Variants in ASTN1 observed in about 807,000 individuals in gnomAD.
The protein encoded by ASTN1 is astrotactin 1, also known as astrotactin-1.
ASTN1 carries 41 observed loss-of-function variants against 140.7 expected under a neutral mutation model. The ratio of observed to expected loss-of-function variants is 0.29; its 90% CI spans 0.23 to 0.38. The LOEUF is 0.38. ASTN1 is among the 10% of genes least tolerant of loss of function. The pLI, the probability that ASTN1 is intolerant of heterozygous loss-of-function variation, is 1.00. For synonymous variants in ASTN1, 640 were observed against 652.2 expected, an observed-to-expected ratio of 0.98 and a Z score of 0.29; for missense variants, 1,479 against 1,678.8, an observed-to-expected ratio of 0.88 and a Z score of 2.08.
At chr1:177,064,688 G>C (rs1206783536) in intron 1 of ASTN1, among the ~76,000 whole-genome samples, 1 of 152,198 alleles carries the variant, frequency 6.6e-6, no homozygotes, top group African/African-American at 2.4e-5. Flanking sequence ...CACCATAGAG[G>C]GCAAAGGATG....
At position 177,164,352 on chromosome 1, in the gene ASTN1, G is replaced by C. The variant is rs1034448904; in HGVS notation, c.283+42C>G. The stretch of plus-strand genomic sequence containing the variant: ...AGCTGGAGTGGGGGGTGGGGGCGCC[G>C]GTCCAGCGCCTCCGGCCGCCTCGAC... On this transcript the variant is annotated intron_variant, in intron 1 of 22. Coordinates refer to ENST00000361833, the MANE Select transcript of ASTN1 (RefSeq NM_004319.3). The C allele has an allele frequency of 2.6e-6, 4 of 1,515,778 alleles. No individual in the cohort carries two copies. The African/African-American group carries it at 5.6e-5, about 21-fold the overall frequency. The allele number at this position is 1,515,778 out of a possible 1,614,324, so 93.9% of individuals were successfully genotyped here. A position where few individuals can be genotyped will look rare whatever the true frequency, so the allele number is the denominator to read the frequency against.
intron 8 of ASTN1, among the ~76,000 whole-genome samples, chr1:177,011,196 G>C (rs1675273296): frequency 6.6e-6 from 1 of 152,112 alleles, no homozygotes. Context: ...CCTTTGCTTA[G>C]AATGATCTTT....
At chr1:176,885,054 C>G (rs1233870697) in intron 18 of ASTN1, among the ~76,000 whole-genome samples, 1 of 152,168 alleles carries the variant, frequency 6.6e-6, no homozygotes, top group Non-Finnish European at 1.5e-5. Context: ...CTAGCTGGAC[C>G]TTGGAACAGG....
chr1:176,957,859 G>C, intron 10 of ASTN1, 31 bp from the exon 11 acceptor site: 1 of 1,605,608 alleles, frequency 6.2e-7, no homozygotes, highest in Non-Finnish European at 8.5e-7. Flanking sequence ...AAGCAGGGAG[G>C]AGTCAAGGAG....
intron 11 of ASTN1, among the ~76,000 whole-genome samples, chr1:176,951,719 A>G (rs1015065024): frequency 1.3e-5 from 2 of 152,222 alleles, no homozygotes; most frequent in Non-Finnish European, 2.9e-5. Context: ...GACCACTGCT[A>G]TCCCAAATTG....
At chr1:176,992,513 G>C (rs1674236741) in intron 8 of ASTN1, among the ~76,000 whole-genome samples, 1 of 152,104 alleles carries the variant, frequency 6.6e-6, no homozygotes, top group Non-Finnish European at 1.5e-5. Context: ...TTGGGCCCTT[G>C]TATCCACTGA....
intron 1 of ASTN1, among the ~76,000 whole-genome samples, chr1:177,089,787 G>T (rs973643652): frequency 6.6e-6 from 1 of 152,032 alleles, no homozygotes; most frequent in Non-Finnish European, 1.5e-5. Context: ...CCATCAAAAT[G>T]GACTCTTAGC....
At chr1:177,057,688 T>C (rs1007179570) in intron 2 of ASTN1, among the ~76,000 whole-genome samples, 12 of 152,150 alleles carry the variant, frequency 7.9e-5, no homozygotes, top group African/African-American at 2.9e-4. Context: ...TGATCTAATT[T>C]GAAAACTGTA....
intron 16 of ASTN1, among the ~76,000 whole-genome samples, chr1:176,898,587 C>G (rs555783816): frequency 3.9e-5 from 6 of 152,194 alleles, no homozygotes; most frequent in Admixed American, 2.0e-4. Flanking sequence ...ATAACCATCA[C>G]GTCTGTGGTA....
At chr1:177,067,087 A>G (rs1678398390) in intron 1 of ASTN1, among the ~76,000 whole-genome samples, 1 of 151,664 alleles carries the variant, frequency 6.6e-6, no homozygotes, top group Non-Finnish European at 1.5e-5. Context: ...GCTTATCCAA[A>G]CCAAATCTAG....
intron 1 of ASTN1, among the ~76,000 whole-genome samples, chr1:177,084,257 C>T (rs921985996): frequency 6.6e-6 from 1 of 152,156 alleles, no homozygotes; most frequent in Non-Finnish European, 1.5e-5. Context: ...CAAATGGCCA[C>T]ACTGAACAAG....
chr1:176,876,401 A>C, intron 21 of ASTN1, 136 bp downstream of exon 21: 3 of 864,774 alleles, frequency 3.5e-6, no homozygotes, highest in Non-Finnish European at 5.6e-6. Context: ...ACGCTCCTGT[A>C]CTGGGCCTTG....
At chr1:177,054,395 C>A (rs145305794) in intron 2 of ASTN1, among the ~76,000 whole-genome samples, 1 of 152,280 alleles carries the variant, frequency 6.6e-6, no homozygotes, top group Non-Finnish European at 1.5e-5. Context: ...CTAACATCTC[C>A]TAACATCTCT....
At chr1:176,963,437 G>C (rs535410545) in intron 9 of ASTN1, among the ~76,000 whole-genome samples, 1 of 152,282 alleles carries the variant, frequency 6.6e-6, no homozygotes, top group Non-Finnish European at 1.5e-5. Context: ...TTTCATTTGA[G>C]AGGCTAGTTA....
chr1:176,976,512 C>A (rs769262246), intron 8 of ASTN1: 3 of 152,218 alleles, frequency 2.0e-5, no homozygotes, highest in Non-Finnish European at 4.4e-5. Flanking sequence ...GACAGTCTCA[C>A]CATGGCTGGG....
chr1:177,142,239 G>A (rs1186811246), intron 1 of ASTN1, among the ~76,000 whole-genome samples: 1 of 149,732 alleles, frequency 6.7e-6, no homozygotes, highest in Non-Finnish European at 1.5e-5. Flanking sequence ...TAGGCAAGGT[G>A]GTCAGCATGT....
chr1:176,857,590 C>A, downstream of ASTN1: 2 of 594,890 alleles, frequency 3.4e-6, no homozygotes, highest in Non-Finnish European at 6.1e-6. Flanking sequence ...CCCTGGCTGC[C>A]GTCTTCTTCC....
chr1:176,958,611 T>C (rs2103131265), intron 9 of ASTN1, 129 bp from the exon 10 acceptor site: 1 of 1,279,436 alleles, frequency 7.8e-7, no homozygotes, highest in East Asian at 2.7e-5. Flanking sequence ...ACTGCCTTTT[T>C]ATGGGTGCAA....
intron 8 of ASTN1, among the ~76,000 whole-genome samples, chr1:177,003,055 A>G (rs1312152068): frequency 6.6e-6 from 1 of 152,122 alleles, no homozygotes; most frequent in African/African-American, 2.4e-5. Context: ...ATTCTACCAA[A>G]TATGCAAAGT....
Sources: allele counts gnomAD v4.1 joint callset (sites outside exome capture counted in the v4.1 genomes callset), GRCh38; gene constraint gnomAD v4.1.1; transcripts MANE v1.5; gene names NCBI Gene and HGNC (gene_info 2026-07-23, HGNC 2026-07-21).